Variants in ZBTB2 observed in about 807,000 individuals in gnomAD.
ZBTB2 encodes the protein zinc finger and BTB domain containing 2.
A neutral mutation model predicts 39.5 loss-of-function variants in ZBTB2; 2 were observed. The ratio of observed to expected loss-of-function variants is 0.05; its 90% CI spans 0.02 to 0.16. The LOEUF (loss-of-function observed/expected upper bound fraction) is 0.16. Ranked by LOEUF, ZBTB2 falls within the 10% of genes least tolerant of loss-of-function variation. The probability of loss-of-function intolerance (pLI) is 1.00; values close to 1 mark genes in which losing one functional copy is unlikely to be tolerated. For synonymous variants in ZBTB2, 251 were observed against 256.6 expected (o/e 0.98, Z 0.21); for missense variants, 391 against 653.0 (o/e 0.60, Z 4.37).
intron 2 of ZBTB2, among the ~76,000 whole-genome samples, chr6:151,370,961 A>T (rs112127723): frequency 3.3e-5 from 5 of 152,232 alleles, no homozygotes; most frequent in Non-Finnish European, 5.9e-5. Context: ...TTACTGCCCT[A>T]TACTTAAAGG....
chr6:151,388,823 T>C (rs1200571248), intron 1 of ZBTB2, among the ~76,000 whole-genome samples: 1 of 152,264 alleles, frequency 6.6e-6, no homozygotes, highest in Non-Finnish European at 1.5e-5. Flanking sequence ...TATTCTCTGC[T>C]GCTAGTGGTA....
At chr6:151,367,423 G>A in intron 2 of ZBTB2, among the ~76,000 whole-genome samples, 1 of 152,260 alleles carries the variant, frequency 6.6e-6, no homozygotes, top group South Asian at 2.1e-4. Context: ...GCCTGGCCAA[G>A]TTAAATTAAA....
At chr6:151,372,210 G>A (rs1178177278) in intron 2 of ZBTB2, among the ~76,000 whole-genome samples, 1 of 152,212 alleles carries the variant, frequency 6.6e-6, no homozygotes, top group African/African-American at 2.4e-5. Flanking sequence ...AACCACTTAA[G>A]AAGGAAGCAA....
chr6:151,387,010 G>A (rs778795843), intron 1 of ZBTB2, among the ~76,000 whole-genome samples: 9 of 152,110 alleles, frequency 5.9e-5, no homozygotes, highest in Non-Finnish European at 1.3e-4. Flanking sequence ...ACTGGATTTT[G>A]CATTTACTCC....
chr6:151,382,151 C>T (rs974878028), intron 1 of ZBTB2, among the ~76,000 whole-genome samples: 4 of 152,140 alleles, frequency 2.6e-5, no homozygotes, highest in Non-Finnish European at 2.9e-5. Context: ...AAAAAACTTA[C>T]GTAAAAATAT....
chr6:151,373,396 G>A, intron 2 of ZBTB2, 69 bp downstream of exon 2: 2 of 1,565,876 alleles, frequency 1.3e-6, no homozygotes, highest in Non-Finnish European at 1.8e-6. Context: ...CCATGGTCTT[G>A]ATGAGGGCCA....
intron 1 of ZBTB2, among the ~76,000 whole-genome samples, chr6:151,390,671 G>C (rs1480395314): frequency 6.6e-6 from 1 of 151,798 alleles, no homozygotes. Flanking sequence ...CGGAGCCGCA[G>C]CAGTAGCGGC....
At chr6:151,381,939 A>T (rs1779042614) in intron 1 of ZBTB2, among the ~76,000 whole-genome samples, 1 of 152,240 alleles carries the variant, frequency 6.6e-6, no homozygotes. Context: ...ATACGTTCTG[A>T]GAAATGCATC....
chr6:151,366,151 A>G lies in ZBTB2; in HGVS notation c.915T>C (p.Asp305=). 5.0e-6 allele frequency: 8 copies of G among 1,614,058 alleles called. No individual in the cohort carries two copies. Among genetic ancestry groups the G allele is most frequent in the Non-Finnish European group, 6.8e-6 (8 of 1,180,026 alleles). ...TCCCGGCTTCAGGCACTTCCATGGC[A>G]TCTTTCCCGAGGTCAGCTGCATTGC... is the stretch of plus-strand genomic sequence containing the variant. ...LCSNAADLGK[D]AMEVPEAGMI... Residue 305 remains aspartate (D), a synonymous_variant, in exon 3 of 3, where the codon GAT becomes GAC. Coordinates refer to ENST00000325144, the MANE Select transcript of ZBTB2 (RefSeq NM_020861.3). This position sits in a 1 kb window ranked among gnomAD's most constrained non-coding sequence, Gnocchi z 7.1.
chr6:151,391,034 C>A (rs1282325614), intron 1 of ZBTB2, among the ~76,000 whole-genome samples: 1 of 146,490 alleles, frequency 6.8e-6, no homozygotes. Context: ...ACCCTCCCTC[C>A]GATCCGCCGC....
In ZBTB2 at chr6:151,365,460, A is replaced by AG. The variant is rs1778622407; in HGVS notation, c.*60dup. The AG allele has an allele frequency of 4.6e-6, 7 of 1,526,806 alleles. No homozygotes were observed. The allele number at this position is 1,526,806 out of a possible 1,614,324, so 94.6% of individuals were successfully genotyped here. A position where few individuals can be genotyped will look rare whatever the true frequency, so the allele number is the denominator to read the frequency against. On this transcript the variant is annotated 3_prime_UTR_variant, in exon 3 of 3. Coordinates refer to ENST00000325144, the MANE Select transcript of ZBTB2 (RefSeq NM_020861.3). The surrounding 1 kb of genome is among the most constrained non-coding windows in gnomAD (Gnocchi z 5.6). ...CATGGAGAACTACAGTTCTGAATTC[A>AG]GGGAAGGGAGGGAAGATAGTCTTTG... is the stretch of plus-strand genomic sequence containing the variant.
chr6:151,381,851 C>T (rs959858007), intron 1 of ZBTB2, among the ~76,000 whole-genome samples: 2 of 152,220 alleles, frequency 1.3e-5, no homozygotes, highest in African/African-American at 4.8e-5. Context: ...AGAAATGACA[C>T]AGTATCAGTA....
intron 2 of ZBTB2, 72 bp downstream of exon 2, chr6:151,373,393 C>G: frequency 1.3e-6 from 2 of 1,562,454 alleles, no homozygotes; most frequent in Middle Eastern, 1.7e-4. Context: ...GACCCATGGT[C>G]TTGATGAGGG....
chr6:151,376,568 C>T (rs1778913803), intron 1 of ZBTB2, among the ~76,000 whole-genome samples: 1 of 152,150 alleles, frequency 6.6e-6, no homozygotes, highest in South Asian at 2.1e-4. Flanking sequence ...AGAGGATATA[C>T]AGATGACAAG....
At position 151,365,536 on chromosome 6, in the gene ZBTB2, G is replaced by A. The variant is rs377600897; in HGVS notation, c.1530C>T (p.Thr510=). ...TAAGTGACATTCAGTCTAGTAAGAC[G>A]GTTTCTTGTTCCTTTTTGATGGAAG... ...VLASIKKEQE[T]VLLD is the part of the protein sequence containing the mutation. The change falls in exon 3 of 3, where the codon ACC becomes ACT. Residue 510 remains threonine (T), a synonymous_variant. Transcript: ENST00000325144. The surrounding 1 kb of genome is among the most constrained non-coding windows in gnomAD (Gnocchi z 5.6). 5.0e-6 allele frequency: 8 copies of A among 1,610,398 alleles called. No homozygotes were observed. The highest frequency in any genetic ancestry group is 2.2e-5 in the South Asian group (2 of 90,556).
chr6:151,389,946 G>A (rs895461996), intron 1 of ZBTB2, among the ~76,000 whole-genome samples: 2 of 152,024 alleles, frequency 1.3e-5, no homozygotes, highest in African/African-American at 2.4e-5. Flanking sequence ...TAAACAAGAA[G>A]GGTTTAGAGG....
Position 151,388,766 on chromosome 6 carries a change from G to T in ZBTB2, c.-13+2654C>A, listed in dbSNP as rs77500331. Reference sequence around the variant, plus strand: ...TAAAGTTTAAGATATAAAAGCAGGTGTCACCGTGGCAGCTTTTATTCTATA... The same window carrying T: ...TAAAGTTTAAGATATAAAAGCAGGTTTCACCGTGGCAGCTTTTATTCTATA... On this transcript the variant is annotated intron_variant, in intron 1 of 2. Coordinates refer to ENST00000325144, the MANE Select transcript of ZBTB2 (RefSeq NM_020861.3). 3.6e-3 allele frequency among the ~76,000 whole-genome samples: 556 copies of T among 152,338 alleles called. 3 individuals are homozygous for T. The highest frequency in any genetic ancestry group is 0.013 in the African/African-American group (530 of 41,568).
chr6:151,366,672 A>C lies in ZBTB2; in HGVS notation c.394T>G (p.Leu132Val), dbSNP rs1251855178. Residue 132 changes from leucine to valine, a missense_variant, in exon 3 of 3, where the codon TTG becomes GTG. By Grantham distance (32) the Leu-to-Val change is conservative (BLOSUM62 1). Around this residue, in one of 7 missense-constraint regions of ZBTB2, gnomAD observed 175 missense variants for 198.6 expected, o/e 0.88. Coordinates refer to ENST00000325144, the MANE Select transcript of ZBTB2 (RefSeq NM_020861.3). This position sits in a 1 kb window ranked among gnomAD's most constrained non-coding sequence, Gnocchi z 7.1. The stretch of plus-strand genomic sequence containing the variant: ...TGATCTGCAATCTGAATGCCATACA[A>C]TGAAGAAGCCAGTGGGAAAACTTGG... Reference protein sequence around the residue: ...PDQVFPLASSLYGIQIADHQL... With the variant: ...PDQVFPLASSVYGIQIADHQL... The C allele has an allele frequency of 2.5e-6, 4 of 1,614,112 alleles. No individual in the cohort carries two copies. Among genetic ancestry groups the C allele is most frequent in the Non-Finnish European group, 1.7e-6 (2 of 1,180,022 alleles).
chr6:151,366,162 G>A lies in ZBTB2; in HGVS notation c.904C>T (p.Leu302Phe). 6.2e-7 allele frequency: 1 copy of A among 1,614,092 alleles called. No individual in the cohort carries two copies. Among genetic ancestry groups the A allele is most frequent in the Non-Finnish European group, 8.5e-7 (1 of 1,180,032 alleles). ...GGCACTTCCATGGCATCTTTCCCGA[G>A]GTCAGCTGCATTGCTACAGAGAGTC... Reference protein sequence around the residue: ...PLTLCSNAADLGKDAMEVPEA... With the variant: ...PLTLCSNAADFGKDAMEVPEA... The change falls in exon 3 of 3, where the codon CTC (leucine) becomes TTC (phenylalanine). Residue 302 changes from leucine (L) to phenylalanine (F), a missense_variant. Physicochemically the swap from Leu to Phe is conservative, Grantham distance 22. This residue lies in a region of ZBTB2 where 80 missense variants were observed against 125.2 expected (regional missense o/e 0.64). Transcript: ENST00000325144. The surrounding 1 kb of genome is among the most constrained non-coding windows in gnomAD (Gnocchi z 7.1).
Sources: gnomAD v4.1 joint callset for allele counts (sites outside exome capture counted in the v4.1 genomes callset) on GRCh38, gnomAD v4.1.1 for gene constraint, gnomAD v4.1.1 regional missense constraint, Gnocchi (gnomAD v3.1) non-coding constraint, MANE v1.5 for transcripts, NCBI Gene and HGNC (gene_info 2026-07-23, HGNC 2026-07-21) for gene names.